Variants in RAPGEF2 observed in about 807,000 individuals in gnomAD.
RAPGEF2 encodes the protein Rap guanine nucleotide exchange factor 2.
RAPGEF2 carries 54 observed loss-of-function variants against 186.7 expected under a neutral mutation model. The observed-to-expected ratio is 0.29, with a 90% confidence interval of 0.23 to 0.36. The LOEUF is 0.36. Ranked by LOEUF, RAPGEF2 falls within the 10% of genes least tolerant of loss-of-function variation. The pLI is 1.00. For missense variants in RAPGEF2, 1,532 were observed against 2,045.0 expected (o/e 0.75, Z 4.84); for synonymous variants, 712 against 705.9 (o/e 1.01, Z -0.14).
intron 1 of RAPGEF2, among the ~76,000 whole-genome samples, chr4:159,178,333 C>A (rs1289206022): frequency 6.6e-6 from 1 of 152,096 alleles, no homozygotes; most frequent in East Asian, 1.9e-4. Context: ...AAATATTAAT[C>A]TGCTCTCAGT....
chr4:159,348,282 G>GGATGGATGGATA (rs1399107194), intron 25 of RAPGEF2, among the ~76,000 whole-genome samples: 75 of 120,506 alleles, frequency 6.2e-4, no homozygotes, highest in African/African-American at 1.8e-3. Flanking sequence ...ATGGATGGAT[G>GGATGGATGGATA]GATAGATAGA....
intron 29 of RAPGEF2, among the ~76,000 whole-genome samples, chr4:159,357,456 C>T (rs1363165265): frequency 6.6e-6 from 1 of 152,216 alleles, no homozygotes; most frequent in African/African-American, 2.4e-5. Flanking sequence ...ACAAATCTAT[C>T]TGACCATGCT....
chr4:159,122,149 T>C (rs1314262649), intron 1 of RAPGEF2, among the ~76,000 whole-genome samples: 2 of 151,980 alleles, frequency 1.3e-5, no homozygotes, highest in Non-Finnish European at 2.9e-5. Context: ...TAGTCTATTT[T>C]ATATATGACA....
At chr4:159,225,469 G>A (rs924701377) in intron 4 of RAPGEF2, among the ~76,000 whole-genome samples, 1 of 152,194 alleles carries the variant, frequency 6.6e-6, no homozygotes, top group African/African-American at 2.4e-5. Context: ...TTGTGTGGGT[G>A]TATGCTTTCC....
At chr4:159,291,083 G>A (rs1761152280) in intron 7 of RAPGEF2, among the ~76,000 whole-genome samples, 1 of 152,200 alleles carries the variant, frequency 6.6e-6, no homozygotes. Flanking sequence ...AGCAACTTAA[G>A]AAGGGTAACA....
intron 23 of RAPGEF2, among the ~76,000 whole-genome samples, chr4:159,344,455 T>G (rs1354822832): frequency 6.6e-6 from 1 of 152,190 alleles, no homozygotes; most frequent in African/African-American, 2.4e-5. Flanking sequence ...ATAAATATAT[T>G]TAATATAAAA....
At chr4:159,104,530 G>GAGAGAC (rs1560964861) in intron 1 of RAPGEF2, among the ~76,000 whole-genome samples, 18 of 121,412 alleles carry the variant, frequency 1.5e-4, no homozygotes, top group African/African-American at 5.7e-4. Context: ...GAGAGAGGGA[G>GAGAGAC]AGACAGAGAG....
chr4:159,338,022 C>T (rs1207018565), intron 17 of RAPGEF2, among the ~76,000 whole-genome samples: 3 of 151,540 alleles, frequency 2.0e-5, no homozygotes, highest in African/African-American at 7.3e-5. Context: ...TGGGAGGCCA[C>T]AGCAGGAGGA....
At chr4:159,209,734 AT>A (rs1208516900) in intron 3 of RAPGEF2, among the ~76,000 whole-genome samples, 2 of 152,238 alleles carry the variant, frequency 1.3e-5, no homozygotes, top group African/African-American at 4.8e-5. Context: ...ACCTAAGAAG[AT>A]TACTATGTAT....
At chr4:159,338,916 G>C (rs1299059216) in intron 18 of RAPGEF2, among the ~76,000 whole-genome samples, 198 bp from the exon 19 acceptor site, 1 of 152,148 alleles carries the variant, frequency 6.6e-6, no homozygotes, top group Non-Finnish European at 1.5e-5. Context: ...AGTTCAATCT[G>C]TTATCTTTTA....
chr4:159,117,772 A>G (rs1320917406), intron 1 of RAPGEF2, among the ~76,000 whole-genome samples: 3 of 152,136 alleles, frequency 2.0e-5, no homozygotes, highest in East Asian at 1.9e-4. Context: ...TTGATTTCAC[A>G]GGCTTAAAAT....
At chr4:159,244,855 C>T (rs1342792002) in intron 7 of RAPGEF2, among the ~76,000 whole-genome samples, 1 of 151,840 alleles carries the variant, frequency 6.6e-6, no homozygotes, top group East Asian at 1.9e-4. Flanking sequence ...GGAAGCACTA[C>T]TAATTTTTAA....
At chr4:159,284,004 TC>T (rs1294847454) in intron 7 of RAPGEF2, among the ~76,000 whole-genome samples, 2 of 152,192 alleles carry the variant, frequency 1.3e-5, no homozygotes, top group Admixed American at 1.3e-4. Flanking sequence ...GCACTGAAAT[TC>T]TTACATGCTA....
At chr4:159,175,770 C>T (rs1746392742) in intron 1 of RAPGEF2, among the ~76,000 whole-genome samples, 1 of 152,150 alleles carries the variant, frequency 6.6e-6, no homozygotes, top group African/African-American at 2.4e-5. Context: ...TTTTCTGAAG[C>T]CGTAACACAC....
intron 11 of RAPGEF2, among the ~76,000 whole-genome samples, chr4:159,326,208 A>G (rs2111176185): frequency 6.6e-6 from 1 of 152,332 alleles, no homozygotes; most frequent in Non-Finnish European, 1.5e-5. Context: ...ATTTTAAGGT[A>G]TTTCTGTTAA....
chr4:159,280,936 T>C (rs1759605786), intron 7 of RAPGEF2, among the ~76,000 whole-genome samples: 1 of 152,064 alleles, frequency 6.6e-6, no homozygotes, highest in African/African-American at 2.4e-5. Context: ...TGAGTTCTTG[T>C]TCTGATGTTA....
intron 1 of RAPGEF2, among the ~76,000 whole-genome samples, chr4:159,134,052 C>T (rs1206931716): frequency 6.6e-6 from 1 of 152,198 alleles, no homozygotes; most frequent in Non-Finnish European, 1.5e-5. Context: ...ACAGTCATGT[C>T]ACCACTGCAA....
chr4:159,163,348 G>T (rs919201189), intron 1 of RAPGEF2, among the ~76,000 whole-genome samples: 1 of 152,164 alleles, frequency 6.6e-6, no homozygotes, highest in Non-Finnish European at 1.5e-5. Context: ...ACATTTTATT[G>T]TGAGGTATAA....
intron 4 of RAPGEF2, among the ~76,000 whole-genome samples, chr4:159,226,732 A>G (rs946494819): frequency 2.0e-5 from 3 of 152,178 alleles, no homozygotes; most frequent in Admixed American, 2.0e-4. Context: ...TGTTTTGATT[A>G]TAAGTAATAG....
Sources: allele counts gnomAD v4.1 joint callset (sites outside exome capture counted in the v4.1 genomes callset), GRCh38; gene constraint gnomAD v4.1.1; transcripts MANE v1.5; gene names NCBI Gene and HGNC (gene_info 2026-07-23, HGNC 2026-07-21).